CSMD1: variants seen among roughly 807,000 people sequenced by gnomAD.
The protein encoded by CSMD1 is CUB and sushi domain-containing protein 1.
CSMD1 carries 213 observed loss-of-function variants against 417.5 expected under a neutral mutation model. That is an observed-to-expected ratio of 0.51 (90% CI 0.46 to 0.57). The LOEUF (loss-of-function observed/expected upper bound fraction) is 0.57. CSMD1 is among the 20% of genes least tolerant of loss of function. CSMD1 has a pLI of 0.00. For missense variants in CSMD1, 6,923 were observed against 4,529.7 expected (o/e 1.53, Z -15.17); for synonymous variants, 2,862 against 1,736.8 (o/e 1.65, Z -16.11).
At chr8:3,078,340 C>T (rs766274993) in intron 49 of CSMD1, among the ~76,000 whole-genome samples, 14 of 152,082 alleles carry the variant, frequency 9.2e-5, no homozygotes, top group African/African-American at 3.4e-4. Flanking sequence ...TTGGGATGCT[C>T]GATGTGTGCT....
Position 4,946,672 on chromosome 8 carries a change from T to C in CSMD1, c.85+47660A>G, listed in dbSNP as rs1413175622. Among the ~76,000 whole-genome samples the C allele has an allele frequency of 2.0e-5, 3 of 152,186 alleles. No homozygotes were observed. In the East Asian group the frequency reaches 5.8e-4, roughly 29 times the overall value. ...CTCCCGAATTAAAAATGAAGCAATG[T>C]GGTAACAATTGTATTATTCACTCAC... On this transcript the variant is annotated intron_variant, in intron 1 of 69. Transcript: ENST00000635120.
chr8:3,758,106 G>C (rs1439433795), intron 5 of CSMD1, among the ~76,000 whole-genome samples: 3 of 152,130 alleles, frequency 2.0e-5, no homozygotes, highest in Admixed American at 6.5e-5. Flanking sequence ...TGGGATTACA[G>C]GCACCGGCCA....
At chr8:4,542,079 T>C (rs1563271112) in intron 2 of CSMD1, among the ~76,000 whole-genome samples, 2 of 152,114 alleles carry the variant, frequency 1.3e-5, no homozygotes, top group African/African-American at 2.4e-5. Context: ...CTCTAGCTTC[T>C]TACCAAGTGA....
intron 5 of CSMD1, among the ~76,000 whole-genome samples, chr8:3,952,301 G>A (rs1400181460): frequency 6.6e-6 from 1 of 152,176 alleles, no homozygotes; most frequent in South Asian, 2.1e-4. Flanking sequence ...CGCGAAAGGT[G>A]TCGTGGCTAT....
intron 1 of CSMD1, among the ~76,000 whole-genome samples, chr8:4,764,154 T>C (rs1178767001): frequency 6.6e-6 from 1 of 152,194 alleles, no homozygotes; most frequent in Non-Finnish European, 1.5e-5. Context: ...TTTCTTGCTT[T>C]CTCTAAGGAG....
chr8:4,162,208 C>T (rs1032190256), intron 3 of CSMD1, among the ~76,000 whole-genome samples: 5 of 152,156 alleles, frequency 3.3e-5, no homozygotes, highest in African/African-American at 1.2e-4. Context: ...ATATGCATGT[C>T]TTTTAATTGT....
At chr8:4,045,489 A>G (rs1404114450) in intron 3 of CSMD1, among the ~76,000 whole-genome samples, 3 of 152,202 alleles carry the variant, frequency 2.0e-5, no homozygotes, top group African/African-American at 7.2e-5. Flanking sequence ...CACTGTCCCC[A>G]GTTGGGGGAA....
At chr8:2,941,011 G>A (rs1031348490) in intron 69 of CSMD1, among the ~76,000 whole-genome samples, 1 of 152,220 alleles carries the variant, frequency 6.6e-6, no homozygotes, top group East Asian at 1.9e-4. Flanking sequence ...GGAGAAGGTA[G>A]TGGCATATCT....
At chr8:3,037,477 C>T (rs937277537) in intron 50 of CSMD1, among the ~76,000 whole-genome samples, 4 of 152,052 alleles carry the variant, frequency 2.6e-5, no homozygotes, top group Non-Finnish European at 5.9e-5. Context: ...CTATACCGCA[C>T]TTTCTTTATC....
At chr8:4,933,861 A>G (rs757919489) in intron 1 of CSMD1, among the ~76,000 whole-genome samples, 2 of 152,232 alleles carry the variant, frequency 1.3e-5, no homozygotes, top group Admixed American at 6.5e-5. Context: ...ATTTACAAAG[A>G]TACATTGAGG....
At chr8:3,082,844 A>T (rs1051924016) in intron 49 of CSMD1, among the ~76,000 whole-genome samples, 11 of 152,214 alleles carry the variant, frequency 7.2e-5, no homozygotes, top group African/African-American at 2.7e-4. Context: ...TAGAAGCCTC[A>T]GAGGTAAAAC....
chr8:3,809,552 C>T (rs767628099), intron 5 of CSMD1, among the ~76,000 whole-genome samples: 11 of 152,108 alleles, frequency 7.2e-5, no homozygotes, highest in Non-Finnish European at 1.3e-4. Flanking sequence ...TGCCATGCAT[C>T]GGATTCACTG....
intron 12 of CSMD1, among the ~76,000 whole-genome samples, chr8:3,455,563 T>G (rs919678144): frequency 2.1e-4 from 32 of 152,224 alleles, no homozygotes; most frequent in African/African-American, 6.8e-4. Context: ...CTGTTGGAAT[T>G]TGCTGGAGGT....
At chr8:2,986,006 GGAGA>G (rs1173480502) in intron 54 of CSMD1, among the ~76,000 whole-genome samples, 21 of 145,110 alleles carry the variant, frequency 1.4e-4, no homozygotes, top group Non-Finnish European at 2.7e-4. Context: ...AAGCGGAAGG[GGAGA>G]GAGGGAGGGA....
Position 4,486,122 on chromosome 8 carries a change from CATATATATATATAT to C in CSMD1, c.303-66071_303-66058del, listed in dbSNP as rs549034961. ...ATATATATGTATGTATATATACATA[CATATATATATATAT>C]ACATACATATATATATATATACATA... On this transcript the variant is annotated intron_variant, in intron 2 of 69. Coordinates refer to ENST00000635120, the MANE Select transcript of CSMD1 (RefSeq NM_033225.6). 1.4e-3 allele frequency among the ~76,000 whole-genome samples: 180 copies of C among 126,956 alleles called. 6 individuals carry two copies. In the East Asian group the frequency reaches 0.036, roughly 26 times the overall value. 83.3% of individuals were successfully genotyped at this position (126,956 alleles called of 152,430 possible). A position where few individuals can be genotyped will look rare whatever the true frequency, so the allele number is the denominator to read the frequency against.
At position 4,276,504 on chromosome 8, in the gene CSMD1, G is replaced by C. The variant is rs370381928; in HGVS notation, c.415+143449C>G. Among the ~76,000 whole-genome samples, 14 of 152,262 alleles carry C rather than the reference G, an allele frequency of 9.2e-5. No individual in the cohort carries two copies. In the South Asian group the frequency reaches 1.2e-3, roughly 14 times the overall value. ...AATACCTAATACAGATGACGGGTTA[G>C]TGGGTGCAGCAAACCACCATGGCAC... is the stretch of plus-strand genomic sequence containing the variant. On this transcript the variant is annotated intron_variant, in intron 3 of 69. Coordinates refer to ENST00000635120, the MANE Select transcript of CSMD1 (RefSeq NM_033225.6).
chr8:4,017,300 ATTTC>A (rs1270261837), intron 4 of CSMD1, among the ~76,000 whole-genome samples: 1 of 151,936 alleles, frequency 6.6e-6, no homozygotes, highest in African/African-American at 2.4e-5. Context: ...ATGCCACATA[ATTTC>A]TTTCTTTTTA....
Position 4,247,659 on chromosome 8 carries a change from G to A in CSMD1, c.415+172294C>T, listed in dbSNP as rs1252929786. On this transcript the variant is annotated intron_variant, in intron 3 of 69. Transcript: ENST00000635120. ...CAAGTAAGTTATCACCATTCAACAT[G>A]TGAAATTAATTTTGTAATGTATGAG... 9.2e-5 allele frequency among the ~76,000 whole-genome samples: 14 copies of A among 152,262 alleles called. No individual in the cohort carries two copies. The East Asian group carries it at 2.5e-3, about 27-fold the overall frequency.
At chr8:3,784,281 T>G (rs1799329948) in intron 5 of CSMD1, among the ~76,000 whole-genome samples, 1 of 152,170 alleles carries the variant, frequency 6.6e-6, no homozygotes, top group Non-Finnish European at 1.5e-5. Flanking sequence ...ATTACTAAAT[T>G]TCTCAGATAA....
Sources: allele counts gnomAD v4.1 joint callset (sites outside exome capture counted in the v4.1 genomes callset), GRCh38; gene constraint gnomAD v4.1.1; transcripts MANE v1.5; gene names NCBI Gene and HGNC (gene_info 2026-07-23, HGNC 2026-07-21).